Variants in ADAM22 observed in about 807,000 individuals in gnomAD.
ADAM22 encodes the protein ADAM metallopeptidase domain 22.
Under a neutral mutation model 144.6 loss-of-function variants are expected in ADAM22, and 65 were observed. The ratio of observed to expected loss-of-function variants is 0.45; its 90% confidence interval spans 0.37 to 0.55. The LOEUF (loss-of-function observed/expected upper bound fraction) is 0.55. Ranked by LOEUF, ADAM22 falls within the 20% of genes least tolerant of loss-of-function variation. The pLI, the probability that ADAM22 is intolerant of heterozygous loss-of-function variation, is 0.00. For missense variants in ADAM22, 974 were observed against 1,184.9 expected (o/e 0.82, Z 2.61); for synonymous variants, 391 against 412.6 (o/e 0.95, Z 0.63).
At position 87,987,434 on chromosome 7, in the gene ADAM22, C is replaced by T. The variant is rs58573940; in HGVS notation, c.323+9022C>T. ...CCTCAGGTAATCTGCCTGCCTCTGC[C>T]TCCCAAAGTGCTGGGATTACAGGCG... On this transcript the variant is annotated intron_variant, in intron 3 of 31. Transcript: ENST00000413139. Among the ~76,000 whole-genome samples, 817 of 152,296 alleles carry T rather than the reference C, an allele frequency of 5.4e-3. 9 individuals carry two copies. Among genetic ancestry groups the T allele is most frequent in the African/African-American group, 0.019 (782 of 41,540 alleles).
At chr7:88,009,457 A>C in intron 3 of ADAM22, among the ~76,000 whole-genome samples, 1 of 152,074 alleles carries the variant, frequency 6.6e-6, no homozygotes. Flanking sequence ...TGTTTAATGA[A>C]TTTTTTCCAA....
chr7:88,094,195 A>G (rs1820665261), intron 4 of ADAM22, among the ~76,000 whole-genome samples: 1 of 152,188 alleles, frequency 6.6e-6, no homozygotes, highest in African/African-American at 2.4e-5. Context: ...CTCTTTGTAA[A>G]TGATAGAAAT....
intron 4 of ADAM22, among the ~76,000 whole-genome samples, chr7:88,100,063 G>T (rs79663854): frequency 0.069 from 10,508 of 152,144 alleles, 448 homozygotes; most frequent in Admixed American, 0.11. Context: ...CAGTTACTTG[G>T]TTTTGACAAA....
chr7:87,934,661 T>A (rs1584401180), intron 1 of ADAM22, 111 bp downstream of exon 1: 1 of 29,420 alleles, frequency 3.4e-5, no homozygotes, highest in Non-Finnish European at 5.3e-5. Context: ...CGCGGGGAGA[T>A]TTTTTTTTTT....
intron 22 of ADAM22, among the ~76,000 whole-genome samples, chr7:88,157,006 A>G (rs2129528029): frequency 6.6e-6 from 1 of 152,278 alleles, no homozygotes; most frequent in South Asian, 2.1e-4. Context: ...CTATAATGAA[A>G]CAAGAAAATA....
At chr7:88,185,274 C>G (rs1848032638) in intron 29 of ADAM22, among the ~76,000 whole-genome samples, 1 of 152,106 alleles carries the variant, frequency 6.6e-6, no homozygotes, top group Non-Finnish European at 1.5e-5. Context: ...AGCAACTGAA[C>G]CCTTCTTTCA....
At chr7:88,080,579 A>G (rs932161115) in intron 4 of ADAM22, among the ~76,000 whole-genome samples, 3 of 152,230 alleles carry the variant, frequency 2.0e-5, no homozygotes, top group African/African-American at 7.2e-5. Context: ...TTAAAAGATC[A>G]ACAAAATTGA....
At chr7:88,123,157 G>A (rs2129494045) in intron 7 of ADAM22, among the ~76,000 whole-genome samples, 1 of 152,198 alleles carries the variant, frequency 6.6e-6, no homozygotes, top group East Asian at 1.9e-4. Flanking sequence ...GTATTACTGG[G>A]TTTGATTTGC....
intron 2 of ADAM22, among the ~76,000 whole-genome samples, chr7:87,937,283 T>G (rs1487405342): frequency 4.6e-5 from 7 of 152,190 alleles, no homozygotes; most frequent in Admixed American, 2.6e-4. Flanking sequence ...CTAAAAGGTC[T>G]TTTAATGTGT....
intron 3 of ADAM22, among the ~76,000 whole-genome samples, chr7:88,005,028 A>G (rs770862808): frequency 1.3e-4 from 20 of 152,102 alleles, no homozygotes; most frequent in South Asian, 4.1e-4. Context: ...ATAGAGGTGC[A>G]TTCTTGTAGT....
Position 87,934,297 on chromosome 7 carries a change from C to T in ADAM22, c.-169C>T. On this transcript the variant is annotated 5_prime_UTR_variant, in exon 1 of 32. It introduces an in-frame stop codon into an upstream open reading frame of the 5' UTR. Transcript: ENST00000413139. ...GCGGAAGCGTCCGCGAAGCACAATG[C>T]AGCACTGAGCCGCGGTGGAGGTTGC... is the stretch of plus-strand genomic sequence containing the variant. 1 of 590,914 alleles carries T rather than the reference C, an allele frequency of 1.7e-6. No homozygotes were observed. Among genetic ancestry groups the T allele is most frequent in the East Asian group, 3.2e-5 (1 of 31,076 alleles). 36.6% of individuals were successfully genotyped at this position (590,914 alleles called of 1,614,324 possible).
At chr7:88,142,912 A>G (rs1835220391) in intron 14 of ADAM22, 114 bp from the exon 15 acceptor site, 3 of 616,300 alleles carry the variant, frequency 4.9e-6, no homozygotes, top group Non-Finnish European at 5.8e-6. Flanking sequence ...ACATAAGTAG[A>G]CTTTATTCCC....
chr7:88,015,263 A>G (rs949354001), intron 3 of ADAM22, among the ~76,000 whole-genome samples: 1 of 152,246 alleles, frequency 6.6e-6, no homozygotes, highest in African/African-American at 2.4e-5. Flanking sequence ...AGAGCACTTA[A>G]TAAATATTAA....
At chr7:88,035,651 C>T (rs1801353043) in intron 3 of ADAM22, among the ~76,000 whole-genome samples, 2 of 152,188 alleles carry the variant, frequency 1.3e-5, no homozygotes, top group Non-Finnish European at 2.9e-5. Flanking sequence ...AGTATTACAA[C>T]AATTTACGTA....
chr7:88,081,024 C>G (rs551145362), intron 4 of ADAM22, among the ~76,000 whole-genome samples: 1 of 152,236 alleles, frequency 6.6e-6, no homozygotes, highest in East Asian at 1.9e-4. Flanking sequence ...CAAAGCCTGG[C>G]AGAGACACAC....
chr7:88,077,664 C>T (rs149290724), intron 4 of ADAM22, among the ~76,000 whole-genome samples: 1,739 of 152,328 alleles, frequency 0.011, 20 homozygotes, highest in Non-Finnish European at 0.017. Context: ...GCTTTTCCAA[C>T]GGGCTTAACA....
intron 3 of ADAM22, among the ~76,000 whole-genome samples, chr7:87,996,140 C>G (rs1479747102): frequency 6.6e-6 from 1 of 152,164 alleles, no homozygotes; most frequent in Non-Finnish European, 1.5e-5. Context: ...GGAGGCACAA[C>G]TTTCTAGAAG....
chr7:88,164,096 A>G (rs1018421630), intron 23 of ADAM22, among the ~76,000 whole-genome samples: 5 of 152,114 alleles, frequency 3.3e-5, no homozygotes, highest in African/African-American at 9.7e-5. Context: ...GGCATATAAG[A>G]GTAGAGCAGA....
intron 4 of ADAM22, among the ~76,000 whole-genome samples, chr7:88,093,201 G>T (rs1563200482): frequency 6.6e-6 from 1 of 151,274 alleles, no homozygotes; most frequent in Non-Finnish European, 1.5e-5. Flanking sequence ...CAATTTTTTT[G>T]AAACTAGAGT....
Sources: allele counts gnomAD v4.1 joint callset (sites outside exome capture counted in the v4.1 genomes callset), GRCh38; gene constraint gnomAD v4.1.1; transcripts MANE v1.5; gene names NCBI Gene and HGNC (gene_info 2026-07-23, HGNC 2026-07-21).